Variants in USP22 observed in about 807,000 individuals in gnomAD.
USP22 encodes the protein ubiquitin carboxyl-terminal hydrolase 22.
USP22 carries 22 observed loss-of-function variants against 68.1 expected under a neutral mutation model. The observed-to-expected ratio is 0.32, with a 90% CI of 0.23 to 0.46. The LOEUF (loss-of-function observed/expected upper bound fraction) is 0.46. USP22 is among the 20% of genes least tolerant of loss of function. The pLI is 1.00. For synonymous variants in USP22, 279 were observed against 274.2 expected (o/e 1.02, Z -0.17); for missense variants, 433 against 695.8 (o/e 0.62, Z 4.25).
In USP22 at chr17:21,000,437, G is replaced by A. The variant is rs1197939857; in HGVS notation, c.*2594C>T. The A allele has an allele frequency of 6.6e-6, 1 of 152,280 alleles. No homozygotes were observed. The highest frequency in any genetic ancestry group is 2.1e-4 in the South Asian group (1 of 4,834). The allele number at this position is 152,280 out of a possible 1,614,324, so 9.4% of individuals were successfully genotyped here. A position where few individuals can be genotyped will look rare whatever the true frequency, so the allele number is the denominator to read the frequency against. ...GAACGGCAATGCCACAGTGGAATAA[G>A]GGGGACTAACTTGGATACGAAAGTT... On this transcript the variant is annotated 3_prime_UTR_variant, in exon 13 of 13. Coordinates refer to ENST00000261497, the MANE Select transcript of USP22 (RefSeq NM_015276.2).
rs762108769 is a variant in USP22 at position 21,017,942 on chromosome 17, C to T, written c.690G>A (p.Glu230=). Residue 230 remains glutamate, a splice_region_variant and synonymous_variant, in exon 5 of 13, where the codon GAG becomes GAA. Coordinates refer to ENST00000261497, the MANE Select transcript of USP22 (RefSeq NM_015276.2). The part of the protein sequence containing the change: ...LVCEMSSLFQ[E]FYSGHRSPHI... ...CCCTGCAGAAGTCAATGGCGCTCACCTCCTGAAACAGTGAGGACATCTCAC... is the reference window on the plus strand; with the variant it reads ...CCCTGCAGAAGTCAATGGCGCTCACTTCCTGAAACAGTGAGGACATCTCAC... 8 of 1,613,898 alleles carry T rather than the reference C, an allele frequency of 5.0e-6. No individual in the cohort carries two copies. Among genetic ancestry groups the T allele is most frequent in the Non-Finnish European group, 6.8e-6 (8 of 1,180,010 alleles).
chr17:21,031,281 TTG>T (rs2143623635), intron 1 of USP22, among the ~76,000 whole-genome samples: 1 of 152,328 alleles, frequency 6.6e-6, no homozygotes, highest in South Asian at 2.1e-4. Flanking sequence ...TGTTCATGAC[TTG>T]TAAAAAGAAT....
intron 7 of USP22, among the ~76,000 whole-genome samples, chr17:21,012,370 C>G (rs2143546814): frequency 6.6e-6 from 1 of 152,270 alleles, no homozygotes; most frequent in South Asian, 2.1e-4. Flanking sequence ...ACTTGAGGCT[C>G]TAAGCAGAGA....
rs577348817 is a variant in USP22 at position 21,028,489 on chromosome 17, G to A, written c.304+53C>T. The A allele has an allele frequency of 7.5e-6, 12 of 1,597,794 alleles. No individual in the cohort carries two copies. The East Asian group carries it at 2.2e-4, about 30-fold the overall frequency. ...TGGAACTGCAAATCAAAAAATCAAA[G>A]AGTAGCAATTTGGGGGCCACAACTA... On this transcript the variant is annotated intron_variant, in intron 2 of 12. Transcript: ENST00000261497.
intron 11 of USP22, 95 bp downstream of exon 11, chr17:21,004,832 CG>C: frequency 7.1e-7 from 1 of 1,410,208 alleles, no homozygotes; most frequent in Non-Finnish European, 9.8e-7. Context: ...AGGTCAGTGG[CG>C]GGGGATCCGC....
intron 1 of USP22, among the ~76,000 whole-genome samples, chr17:21,029,456 GTCT>G (rs1234523141): frequency 6.6e-6 from 1 of 152,148 alleles, no homozygotes; most frequent in African/African-American, 2.4e-5. Flanking sequence ...CAAACACAAA[GTCT>G]TCTTCGCAGG....
At chr17:21,028,213 T>C (rs1241790189) in intron 2 of USP22, among the ~76,000 whole-genome samples, 1 of 152,150 alleles carries the variant, frequency 6.6e-6, no homozygotes, top group Non-Finnish European at 1.5e-5. Context: ...GCTCTTTCTT[T>C]ATAAATGTTT....
At chr17:21,026,121 G>A (rs1255229830) in intron 2 of USP22, among the ~76,000 whole-genome samples, 1 of 152,192 alleles carries the variant, frequency 6.6e-6, no homozygotes. Flanking sequence ...AGCTGGGCAT[G>A]TTGGTGTGCG....
rs1020185084 is a variant in USP22, at chr17:21,004,869, G to A, written c.1385+59C>T. The stretch of plus-strand genomic sequence containing the variant: ...TGGGCGCCCTACAAGGCAGACAGGA[G>A]CCCACCCCCAGCTCTTGGCCAGAGG... On this transcript the variant is annotated intron_variant, in intron 11 of 12. Transcript: ENST00000261497. 3.1e-6 allele frequency: 5 copies of A among 1,594,576 alleles called. No homozygotes were observed. In the African/African-American group the frequency reaches 5.4e-5, roughly 17 times the overall value.
chr17:21,016,729 C>A (rs1355639415), intron 5 of USP22, among the ~76,000 whole-genome samples: 1 of 152,192 alleles, frequency 6.6e-6, no homozygotes, highest in Admixed American at 6.5e-5. Context: ...GTAAAGGACA[C>A]TCAAGGGACC....
At chr17:21,021,300 A>T (rs1972153708) in intron 2 of USP22, 74 bp from the exon 3 acceptor site, 1 of 1,033,094 alleles carries the variant, frequency 9.7e-7, no homozygotes. Flanking sequence ...GGCAGAGTTA[A>T]ACACAGTGAG....
At position 21,042,818 on chromosome 17, in the gene USP22, C is replaced by T. The variant is rs1443550608; in HGVS notation, c.18G>A (p.Glu6=). 2.1e-6 allele frequency: 3 copies of T among 1,434,006 alleles called. No homozygotes were observed. The highest frequency in any genetic ancestry group is 9.2e-7 in the Non-Finnish European group (1 of 1,090,246). 88.8% of individuals were successfully genotyped at this position (1,434,006 alleles called of 1,614,324 possible). Residue 6 remains glutamate, a synonymous_variant, in exon 1 of 13, where the codon GAG becomes GAA. Coordinates refer to ENST00000261497, the MANE Select transcript of USP22 (RefSeq NM_015276.2). MVSRP[E]PEGEAMDAEL... The stretch of plus-strand genomic sequence containing the variant: ...CGGCGTCCATGGCCTCGCCCTCGGG[C>T]TCTGGCCGGGACACCATGGGGGGCA...
chr17:21,028,201 G>T lies in USP22; in HGVS notation c.304+341C>A, dbSNP rs552663134. Among the ~76,000 whole-genome samples the T allele has an allele frequency of 2.6e-5, 4 of 152,258 alleles. No individual in the cohort carries two copies. In the South Asian group the frequency reaches 8.3e-4, roughly 32 times the overall value. On this transcript the variant is annotated intron_variant, in intron 2 of 12. Transcript: ENST00000261497. ...AGCCTCAGCGACCTCATATTGCATG[G>T]AGCTCTTTCTTTATAAATGTTTGCC...
intron 7 of USP22, among the ~76,000 whole-genome samples, chr17:21,012,351 G>A (rs1473278368): frequency 2.6e-5 from 4 of 152,182 alleles, no homozygotes; most frequent in Non-Finnish European, 5.9e-5. Context: ...GATTCTCCCT[G>A]CACTCAACAC....
rs1435122854 is a variant in USP22 at position 21,033,115 on chromosome 17, C to A, written c.172-4441G>T. ...TGGAGGGGTGGCACTGTTTAAGCAG[C>A]CCAGCACACCACTTTCTGGTGTGGT... On this transcript the variant is annotated intron_variant, in intron 1 of 12. Transcript: ENST00000261497. 2.6e-5 allele frequency among the ~76,000 whole-genome samples: 4 copies of A among 151,992 alleles called. No homozygotes were observed. In the South Asian group the frequency reaches 8.3e-4, roughly 32 times the overall value.
chr17:21,003,955 A>C (rs568737210), intron 12 of USP22, among the ~76,000 whole-genome samples: 3 of 152,240 alleles, frequency 2.0e-5, no homozygotes, highest in Admixed American at 6.5e-5. Context: ...GCAGTTAAAA[A>C]ACAACTGCTC....
Position 21,006,932 on chromosome 17 carries a change from G to A in USP22, c.1286C>T (p.Pro429Leu). Residue 429 changes from proline (P) to leucine (L), a missense_variant, in exon 10 of 13, where the codon CCC (proline) becomes CTC (leucine). This residue lies in a region of USP22 where 178 missense variants were observed against 351.5 expected (regional missense o/e 0.51). Coordinates refer to ENST00000261497, the MANE Select transcript of USP22 (RefSeq NM_015276.2). ...GAAAGGGGTCATGTCCAGCTCCAGG[G>A]GGAAGGACACATACGTGGTGATCTT... ...RRKITTYVSF[P>L]LELDMTPFMA... 1 of 1,609,848 alleles carries A rather than the reference G, an allele frequency of 6.2e-7. No individual in the cohort carries two copies. Among genetic ancestry groups the A allele is most frequent in the Non-Finnish European group, 8.5e-7 (1 of 1,177,898 alleles).
At chr17:21,027,579 T>C (rs1036749134) in intron 2 of USP22, among the ~76,000 whole-genome samples, 4 of 152,186 alleles carry the variant, frequency 2.6e-5, no homozygotes, top group Non-Finnish European at 5.9e-5. Flanking sequence ...CTTGGACCGC[T>C]TGAAAATGCT....
Position 21,001,085 on chromosome 17 carries a change from TC to T in USP22, c.*1945del, listed in dbSNP as rs1350963076. The T allele has an allele frequency of 6.6e-6, 1 of 151,226 alleles. No homozygotes were observed. Among genetic ancestry groups the T allele is most frequent in the Non-Finnish European group, 1.5e-5 (1 of 67,894 alleles). The allele number at this position is 151,226 out of a possible 1,614,324, so 9.4% of individuals were successfully genotyped here. A position where few individuals can be genotyped will look rare whatever the true frequency, so the allele number is the denominator to read the frequency against. On this transcript the variant is annotated 3_prime_UTR_variant, in exon 13 of 13. Coordinates refer to ENST00000261497, the MANE Select transcript of USP22 (RefSeq NM_015276.2). ...GACTGCACATCCTCAAAGGAGATCT[TC>T]AAAGCACTGTCACCCAAACAGCAGA...
Sources: gnomAD v4.1 joint callset for allele counts (sites outside exome capture counted in the v4.1 genomes callset) on GRCh38, gnomAD v4.1.1 for gene constraint, gnomAD v4.1.1 regional missense constraint, MANE v1.5 for transcripts, NCBI Gene and HGNC (gene_info 2026-07-23, HGNC 2026-07-21) for gene names.